Variants in RNF168 observed in about 807,000 individuals in gnomAD.
The protein encoded by RNF168 is E3 ubiquitin-protein ligase RNF168.
A neutral mutation model predicts 34.9 loss-of-function variants in RNF168; 34 were observed. The ratio of observed to expected loss-of-function variants is 0.97; its 90% CI spans 0.74 to 1.30. The LOEUF (loss-of-function observed/expected upper bound fraction) is 1.30, where lower values mean the gene tolerates loss of function less well. Among genes scored for constraint, RNF168 ranks in the 50% most tolerant of loss-of-function variants. RNF168 has a pLI of 0.00. For synonymous variants in RNF168, 264 were observed against 254.7 expected, an observed-to-expected ratio of 1.04 and a Z score of -0.35; for missense variants, 725 against 682.5, an observed-to-expected ratio of 1.06 and a Z score of -0.69.
intron 1 of RNF168, among the ~76,000 whole-genome samples, chr3:196,490,843 A>G (rs902863927): frequency 6.6e-6 from 1 of 152,216 alleles, no homozygotes; most frequent in African/African-American, 2.4e-5. Context: ...TCTATTCAAG[A>G]CAATACAATG....
At chr3:196,488,407 G>A (rs1043176226) in intron 2 of RNF168, among the ~76,000 whole-genome samples, 200 bp downstream of exon 2, 5 of 151,950 alleles carry the variant, frequency 3.3e-5, no homozygotes, top group South Asian at 2.1e-4. Context: ...GCATGAACCC[G>A]GGAGGTGGAG....
Position 196,472,445 on chromosome 3 carries a change from T to C in RNF168, c.1090A>G (p.Thr364Ala), listed in dbSNP as rs1732032585. 2 of 1,613,856 alleles carry C rather than the reference T, an allele frequency of 1.2e-6. No individual in the cohort carries two copies. The highest frequency in any genetic ancestry group is 3.3e-4 in the Middle Eastern group (2 of 6,062). ...GTCTCACCTGTGTTGTTTCCATTTG[T>C]CTGTGTCACCCCTGATGTGGGGGCG... Reference protein sequence around the residue: ...GCAPTSGVTQTNGNNTGETEN... With the variant: ...GCAPTSGVTQANGNNTGETEN... Residue 364 changes from threonine (T) to alanine (A), a missense_variant, in exon 6 of 6, where the codon ACA (threonine) becomes GCA (alanine). By Grantham distance (58) the Thr-to-Ala change is moderately conservative (BLOSUM62 0). Transcript: ENST00000318037.
intron 1 of RNF168, among the ~76,000 whole-genome samples, chr3:196,501,844 G>A (rs188239304): frequency 6.6e-6 from 1 of 152,064 alleles, no homozygotes; most frequent in East Asian, 1.9e-4. Flanking sequence ...TCCCACCTCC[G>A]CCTCCCAAAG....
Position 196,472,290 on chromosome 3 carries a change from G to A in RNF168, c.1245C>T (p.Ser415=). ...TTATTTCTGTTTCCTCTTGATCTGG[G>A]GAAGATTCGGGGGACACTTTTCTTC... The part of the protein sequence containing the change: ...AKRRKVSPES[S]PDQEETEINF... Residue 415 remains serine, a synonymous_variant, in exon 6 of 6, where the codon TCC becomes TCT. Coordinates refer to ENST00000318037, the MANE Select transcript of RNF168 (RefSeq NM_152617.4). 1 of 1,613,828 alleles carries A rather than the reference G, an allele frequency of 6.2e-7. No individual in the cohort carries two copies. The highest frequency in any genetic ancestry group is 1.1e-5 in the South Asian group (1 of 91,072).
At chr3:196,488,829 T>C in intron 1 of RNF168, 146 bp from the exon 2 acceptor site, 1 of 423,840 alleles carries the variant, frequency 2.4e-6, no homozygotes, top group South Asian at 4.7e-5. Flanking sequence ...TTAACATTTA[T>C]TTTATTTATT....
At chr3:196,493,513 T>C (rs61457417) in intron 1 of RNF168, among the ~76,000 whole-genome samples, 25,870 of 151,540 alleles carry the variant, frequency 0.17, 3,925 homozygotes, top group African/African-American at 0.41. Flanking sequence ...AGCCACTGCA[T>C]CCAGTCCATT....
At chr3:196,491,995 A>T (rs556787843) in intron 1 of RNF168, among the ~76,000 whole-genome samples, 4 of 152,280 alleles carry the variant, frequency 2.6e-5, no homozygotes, top group African/African-American at 9.6e-5. Context: ...TGAATGGGGA[A>T]TTAATTATTG....
In RNF168 at chr3:196,472,595, C is replaced by T. The variant is rs762133991; in HGVS notation, c.940G>A (p.Val314Ile). ...CGAEWYHEGN[V>I]KTRPSNHGKE... ...CCATGATTGCTTGGTCTTGTTTTGA[C>T]GTTTCCTTCATGGTACCATTCGGCA... is the stretch of plus-strand genomic sequence containing the variant. Residue 314 changes from valine to isoleucine, a missense_variant, in exon 6 of 6, where the codon GTC (valine) becomes ATC (isoleucine). Transcript: ENST00000318037. 15 of 1,614,232 alleles carry T rather than the reference C, an allele frequency of 9.3e-6. No individual in the cohort carries two copies. The highest frequency in any genetic ancestry group is 2.2e-5 in the East Asian group (1 of 44,886).
chr3:196,492,175 A>G (rs1313249028), intron 1 of RNF168, among the ~76,000 whole-genome samples: 2 of 152,184 alleles, frequency 1.3e-5, no homozygotes, highest in African/African-American at 4.8e-5. Flanking sequence ...GAAAAAAAGT[A>G]AATCACTTTA....
In RNF168 at chr3:196,488,590, A is replaced by C. The variant is rs748729157; in HGVS notation, c.378+17T>G. ...AGCAGAGAAATATTCCAAAAAAAAAAACTATTTAGCACCTACCTTGCTTAT... is the reference window on the plus strand; with the variant it reads ...AGCAGAGAAATATTCCAAAAAAAAACACTATTTAGCACCTACCTTGCTTAT... On this transcript the variant is annotated intron_variant, in intron 2 of 5. Coordinates refer to ENST00000318037, the MANE Select transcript of RNF168 (RefSeq NM_152617.4). 5 of 1,492,264 alleles carry C rather than the reference A, an allele frequency of 3.4e-6. No homozygotes were observed. Among genetic ancestry groups the C allele is most frequent in the South Asian group, 1.2e-5 (1 of 86,138 alleles). The allele number at this position is 1,492,264 out of a possible 1,614,324, so 92.4% of individuals were successfully genotyped here.
chr3:196,503,474 G>A lies in RNF168; in HGVS notation c.-301C>T, dbSNP rs1019716394. ...CTGGCTGCTCCGCGGCATGAACACC[G>A]CGGCTGCGGCTCCCGGGGCAGCGAG... On this transcript the variant is annotated 5_prime_UTR_variant, in exon 1 of 6. Transcript: ENST00000318037. 9 of 415,090 alleles carry A rather than the reference G, an allele frequency of 2.2e-5. No individual in the cohort carries two copies. The highest frequency in any genetic ancestry group is 1.6e-4 in the African/African-American group (8 of 49,182). The allele number at this position is 415,090 out of a possible 1,614,324, so 25.7% of individuals were successfully genotyped here. A position where few individuals can be genotyped will look rare whatever the true frequency, so the allele number is the denominator to read the frequency against.
rs1640099692 is a variant in RNF168, at chr3:196,470,853, TG to T, written c.*965del. 6.6e-6 allele frequency: 1 copy of T among 152,474 alleles called. No homozygotes were observed. The highest frequency in any genetic ancestry group is 1.5e-5 in the Non-Finnish European group (1 of 68,252). 9.4% of individuals were successfully genotyped at this position (152,474 alleles called of 1,614,324 possible). ...AATTTCCTAGAAAACCCTGATTTTC[TG>T]ATTTAACACTGATTCGAATCCACTT... On this transcript the variant is annotated 3_prime_UTR_variant, in exon 6 of 6. Transcript: ENST00000318037.
At chr3:196,479,405 C>T (rs566860715) in intron 4 of RNF168, among the ~76,000 whole-genome samples, 1 of 151,930 alleles carries the variant, frequency 6.6e-6, no homozygotes, top group African/African-American at 2.4e-5. Context: ...CCCAGGTTCA[C>T]GTGATCCTGC....
Position 196,483,806 on chromosome 3 carries a change from CTT to C in RNF168, c.642_643del (p.Ser215Ter). On this transcript the variant is annotated frameshift_variant, in exon 4 of 6. Coordinates refer to ENST00000318037, the MANE Select transcript of RNF168 (RefSeq NM_152617.4). LOFTEE classifies it high-confidence loss of function. ...TCCAGTGTTTCTTTGTTTGTTCTTA[CTT>C]TTCTTTTCAGACTTGGGTGTAACTG... The C allele has an allele frequency of 4.3e-6, 7 of 1,610,424 alleles. No homozygotes were observed. Among genetic ancestry groups the C allele is most frequent in the Non-Finnish European group, 5.9e-6 (7 of 1,177,492 alleles).
At chr3:196,473,300 T>TA (rs957140116) in intron 5 of RNF168, among the ~76,000 whole-genome samples, 1 of 152,188 alleles carries the variant, frequency 6.6e-6, no homozygotes, top group African/African-American at 2.4e-5. Context: ...TGTTTTTAAC[T>TA]AAAAAATTAA....
intron 4 of RNF168, among the ~76,000 whole-genome samples, chr3:196,478,366 T>C (rs1323236836): frequency 1.3e-5 from 2 of 152,310 alleles, no homozygotes; most frequent in East Asian, 3.9e-4. Flanking sequence ...GGGCCAACTG[T>C]TCAAATCATG....
chr3:196,482,700 GATGTTAAAC>G (rs1732326643), intron 4 of RNF168, among the ~76,000 whole-genome samples: 1 of 152,074 alleles, frequency 6.6e-6, no homozygotes, highest in Admixed American at 6.6e-5. Flanking sequence ...AATAACTAAT[GATGTTAAAC>G]ATATTTTCGT....
chr3:196,486,297 C>T (rs560490240), intron 3 of RNF168, among the ~76,000 whole-genome samples: 1 of 152,120 alleles, frequency 6.6e-6, no homozygotes, highest in South Asian at 2.1e-4. Context: ...AAAATGTAAG[C>T]AGCAAAACAG....
chr3:196,472,341 G>A lies in RNF168; in HGVS notation c.1194C>T (p.Val398=), dbSNP rs141504396. ...TTTTTGCAGAAAAGCATGGATCCTTGACTGCTTCAAAGGAAGATTCTTGGT... is the reference window on the plus strand; with the variant it reads ...TTTTTGCAGAAAAGCATGGATCCTTAACTGCTTCAAAGGAAGATTCTTGGT... The part of the protein sequence containing the change: ...RKNQESSFEA[V]KDPCFSAKRR... Residue 398 remains valine (V), a synonymous_variant, in exon 6 of 6, where the codon GTC becomes GTT. Coordinates refer to ENST00000318037, the MANE Select transcript of RNF168 (RefSeq NM_152617.4). The A allele has an allele frequency of 6.2e-7, 1 of 1,614,054 alleles. No homozygotes were observed. The highest frequency in any genetic ancestry group is 1.1e-5 in the South Asian group (1 of 91,068).
Sources: gnomAD v4.1 joint callset for allele counts (sites outside exome capture counted in the v4.1 genomes callset) on GRCh38, gnomAD v4.1.1 for gene constraint, MANE v1.5 for transcripts, NCBI Gene and HGNC (gene_info 2026-07-23, HGNC 2026-07-21) for gene names.